Variants in KL observed in about 807,000 individuals in gnomAD.
The protein encoded by KL is klotho.
Under a neutral mutation model 84.2 loss-of-function variants are expected in KL, and 62 were observed. That is an observed-to-expected ratio of 0.74 (90% CI 0.60 to 0.91). The LOEUF is 0.91. Ranked by LOEUF, KL falls within the 40% of genes least tolerant of loss-of-function variation. The probability of loss-of-function intolerance (pLI) is 0.00; values close to 1 mark genes in which losing one functional copy is unlikely to be tolerated. For synonymous variants in KL, 528 were observed against 528.0 expected (o/e 1.00, Z 0.00); for missense variants, 1,261 against 1,305.7 (o/e 0.97, Z 0.53).
chr13:33,023,112 C>G (rs562584960), intron 1 of KL, among the ~76,000 whole-genome samples: 2 of 152,232 alleles, frequency 1.3e-5, no homozygotes, highest in Admixed American at 1.3e-4. Context: ...TATCACTGTC[C>G]CTTGGGCAGA....
chr13:33,058,673 C>A (rs1280148276), intron 3 of KL, among the ~76,000 whole-genome samples: 1 of 151,778 alleles, frequency 6.6e-6, no homozygotes, highest in East Asian at 1.9e-4. Flanking sequence ...TTTTTTTCCT[C>A]CAGAAATGAT....
rs202102399 is a variant in KL, at chr13:33,017,125, G to C, written c.685G>C (p.Gly229Arg). 8.1e-6 allele frequency: 13 copies of C among 1,604,036 alleles called. No homozygotes were observed. In the East Asian group the frequency reaches 2.9e-4, roughly 36 times the overall value. ...GGAGCTCTGCTTCCGCCACTTCGGC[G>C]GTCAGGTCAAGTACTGGATCACCAT... ...YAELCFRHFGGQVKYWITIDN... is the reference protein window; with the variant it reads ...YAELCFRHFGRQVKYWITIDN... The change falls in exon 1 of 5, where the codon GGT (glycine) becomes CGT (arginine). Residue 229 changes from glycine (G) to arginine (R), a missense_variant. By Grantham distance (125) the Gly-to-Arg change is moderately radical. Coordinates refer to ENST00000380099, the MANE Select transcript of KL (RefSeq NM_004795.4).
chr13:33,020,881 C>A (rs1870551544), intron 1 of KL, among the ~76,000 whole-genome samples: 1 of 152,194 alleles, frequency 6.6e-6, no homozygotes, highest in South Asian at 2.1e-4. Context: ...AAGACAGAGT[C>A]CTTGCTTTTT....
rs1337435911 is a variant in KL, at chr13:33,055,323, A to G, written c.1599+8A>G. On this transcript the variant is annotated splice_region_variant and intron_variant, in intron 3 of 4. Coordinates refer to ENST00000380099, the MANE Select transcript of KL (RefSeq NM_004795.4). The stretch of plus-strand genomic sequence containing the variant: ...GTTGACAACTACATTCAAGTAAGTC[A>G]GCTGACAAAACCAATCAGCAGTCTC... 6.2e-7 allele frequency: 1 copy of G among 1,614,196 alleles called. No homozygotes were observed.
At position 33,063,969 on chromosome 13, in the gene KL, T is replaced by G. The variant is rs544370014; in HGVS notation, c.2822T>G (p.Met941Arg). 15 of 1,614,184 alleles carry G rather than the reference T, an allele frequency of 9.3e-6. No homozygotes were observed. The East Asian group carries it at 3.1e-4, about 34-fold the overall frequency. ...AADQFEPKASMKHYRKIIDSN... is the reference protein window; with the variant it reads ...AADQFEPKASRKHYRKIIDSN... ...GATCAGTTTGAGCCCAAGGCATCCA[T>G]GAAACATTACAGGAAAATTATTGAC... The change falls in exon 5 of 5, where the codon ATG becomes AGG. Residue 941 changes from methionine to arginine, a missense_variant. Physicochemically the swap from Met to Arg is moderately conservative, Grantham distance 91. Transcript: ENST00000380099.
rs1351408866 is a variant in KL at position 33,064,424 on chromosome 13, C to T, written c.*238C>T. 6 of 407,430 alleles carry T rather than the reference C, an allele frequency of 1.5e-5. No homozygotes were observed. The highest frequency in any genetic ancestry group is 4.1e-5 in the Admixed American group (1 of 24,118). The allele number at this position is 407,430 out of a possible 1,614,324, so 25.2% of individuals were successfully genotyped here. ...TGGGTGATTAAAAAACTGACAGGCACTATAATTTCTGTAACACACTAACAA... is the reference window on the plus strand; with the variant it reads ...TGGGTGATTAAAAAACTGACAGGCATTATAATTTCTGTAACACACTAACAA... On this transcript the variant is annotated 3_prime_UTR_variant, in exon 5 of 5. Transcript: ENST00000380099.
At chr13:33,018,155 T>C (rs1465650159) in intron 1 of KL, among the ~76,000 whole-genome samples, 1 of 152,260 alleles carries the variant, frequency 6.6e-6, no homozygotes, top group East Asian at 1.9e-4. Context: ...TATAATCATG[T>C]CAGTTGTTAG....
Position 33,065,373 on chromosome 13 carries a change from AG to A in KL, c.*1190del, listed in dbSNP as rs982153763. The stretch of plus-strand genomic sequence containing the variant: ...TGAAACATGCTAGTGATATCTAGAA[AG>A]GGCTAATTAGGTCTCATCCTTTAAT... On this transcript the variant is annotated 3_prime_UTR_variant, in exon 5 of 5. Transcript: ENST00000380099. 10 of 202,432 alleles carry A rather than the reference AG, an allele frequency of 4.9e-5. No individual in the cohort carries two copies. The highest frequency in any genetic ancestry group is 1.9e-4 in the South Asian group (1 of 5,236). 12.5% of individuals were successfully genotyped at this position (202,432 alleles called of 1,614,324 possible).
At position 33,064,813 on chromosome 13, in the gene KL, A is replaced by G. The variant is rs1872347749; in HGVS notation, c.*627A>G. 4.4e-6 allele frequency: 1 copy of G among 226,356 alleles called. No homozygotes were observed. The highest frequency in any genetic ancestry group is 8.8e-6 in the Non-Finnish European group (1 of 113,746). The allele number at this position is 226,356 out of a possible 1,614,324, so 14.0% of individuals were successfully genotyped here. Reference sequence around the variant, plus strand: ...TGGAGAGCAAATTATGGAAATGTGTATTTTATATGATTTTTGAGGTCCTGT... The same window carrying G: ...TGGAGAGCAAATTATGGAAATGTGTGTTTTATATGATTTTTGAGGTCCTGT... On this transcript the variant is annotated 3_prime_UTR_variant, in exon 5 of 5. Transcript: ENST00000380099.
At chr13:33,040,688 C>T (rs8002378) in intron 1 of KL, among the ~76,000 whole-genome samples, 11 of 152,110 alleles carry the variant, frequency 7.2e-5, no homozygotes, top group Non-Finnish European at 8.8e-5. Flanking sequence ...TAACAAAAAG[C>T]GGTCCATTCA....
intron 1 of KL, among the ~76,000 whole-genome samples, chr13:33,019,391 G>T (rs758009306): frequency 6.6e-6 from 1 of 152,030 alleles, no homozygotes; most frequent in Non-Finnish European, 1.5e-5. Flanking sequence ...GGGCATTTTA[G>T]CTGGGGCTTA....
intron 1 of KL, among the ~76,000 whole-genome samples, chr13:33,023,537 G>A (rs571314639): frequency 6.6e-5 from 10 of 152,178 alleles, no homozygotes; most frequent in East Asian, 3.9e-4. Flanking sequence ...TTGAAATAAC[G>A]TATTTTTACA....
At position 33,061,327 on chromosome 13, in the gene KL, G is replaced by C; in HGVS notation, c.2248G>C (p.Glu750Gln). ...PFSQKDKEVA[E>Q]RVLEFDIGWL... Reference sequence around the variant, plus strand: ...CTCCCAAAAGGACAAAGAGGTGGCTGAGAGAGTTTTGGAATTTGACATTGG... The same window carrying C: ...CTCCCAAAAGGACAAAGAGGTGGCTCAGAGAGTTTTGGAATTTGACATTGG... The change falls in exon 4 of 5, where the codon GAG (glutamate) becomes CAG (glutamine). Residue 750 changes from glutamate (E) to glutamine (Q), a missense_variant. Transcript: ENST00000380099. 2 of 1,614,138 alleles carry C rather than the reference G, an allele frequency of 1.2e-6. No individual in the cohort carries two copies. Among genetic ancestry groups the C allele is most frequent in the East Asian group, 2.2e-5 (1 of 44,880 alleles).
chr13:33,037,588 T>G (rs1243891433), intron 1 of KL, among the ~76,000 whole-genome samples: 1 of 152,176 alleles, frequency 6.6e-6, no homozygotes, highest in Admixed American at 6.5e-5. Context: ...CTACTCTAGG[T>G]GTCCATTCAG....
At chr13:33,059,068 G>A (rs1872074922) in intron 3 of KL, among the ~76,000 whole-genome samples, 1 of 152,136 alleles carries the variant, frequency 6.6e-6, no homozygotes, top group South Asian at 2.1e-4. Flanking sequence ...ATTTGCAACA[G>A]GCCCGTAAAA....
chr13:33,066,091 GTATTA>G lies in KL; in HGVS notation c.*1911_*1915del, dbSNP rs1872402309. 1 of 171,732 alleles carries G rather than the reference GTATTA, an allele frequency of 5.8e-6. No homozygotes were observed. The highest frequency in any genetic ancestry group is 1.3e-5 in the Non-Finnish European group (1 of 79,236). 10.6% of individuals were successfully genotyped at this position (171,732 alleles called of 1,614,324 possible). ...AGAAGTAATTTTGCTCCTTGATAAA[GTATTA>G]TATTAATAATAAATCTGCCTGCAAC... On this transcript the variant is annotated 3_prime_UTR_variant, in exon 5 of 5. Transcript: ENST00000380099.
Position 33,017,164 on chromosome 13 carries a change from G to C in KL, c.724G>C (p.Val242Leu). ...KYWITIDNPY[V>L]VAWHGYATGR... The stretch of plus-strand genomic sequence containing the variant: ...CTGGATCACCATCGACAACCCCTAC[G>C]TGGTGGCCTGGCACGGCTACGCCAC... Residue 242 changes from valine (V) to leucine (L), a missense_variant, in exon 1 of 5, where the codon GTG becomes CTG. Coordinates refer to ENST00000380099, the MANE Select transcript of KL (RefSeq NM_004795.4). 1 of 1,600,884 alleles carries C rather than the reference G, an allele frequency of 6.2e-7. No homozygotes were observed. The highest frequency in any genetic ancestry group is 8.5e-7 in the Non-Finnish European group (1 of 1,179,750).
rs1871899540 is a variant in KL at position 33,054,988 on chromosome 13, C to A, written c.1331-59C>A. The A allele has an allele frequency of 3.1e-6, 5 of 1,608,840 alleles. No homozygotes were observed. In the African/African-American group the frequency reaches 4.0e-5, roughly 13 times the overall value. On this transcript the variant is annotated intron_variant, in intron 2 of 4. Transcript: ENST00000380099. ...TAGGAAACGCTCAGCTGCTCTTGAA[C>A]CATGATGCAAGTGCCCAGCGAAGGG...
intron 1 of KL, among the ~76,000 whole-genome samples, chr13:33,024,790 A>T (rs2138193599): frequency 6.6e-6 from 1 of 152,208 alleles, no homozygotes; most frequent in South Asian, 2.1e-4. Flanking sequence ...TGTTCCCATC[A>T]GGCCTTTATG....
Sources: allele counts gnomAD v4.1 joint callset (sites outside exome capture counted in the v4.1 genomes callset), GRCh38; gene constraint gnomAD v4.1.1; transcripts MANE v1.5; gene names NCBI Gene and HGNC (gene_info 2026-07-23, HGNC 2026-07-21).